Variants in ST6GAL2 observed in about 807,000 individuals in gnomAD.
The protein encoded by ST6GAL2 is beta-galactoside alpha-2,6-sialyltransferase 2.
Under a neutral mutation model 37.5 loss-of-function variants are expected in ST6GAL2, and 24 were observed. The ratio of observed to expected loss-of-function variants is 0.64; its 90% CI spans 0.46 to 0.90. The LOEUF (loss-of-function observed/expected upper bound fraction) is 0.90, where lower values mean the gene tolerates loss of function less well. Among genes scored for constraint, ST6GAL2 ranks in the 40% least tolerant of loss-of-function variants. The probability of loss-of-function intolerance (pLI) is 0.00; values close to 1 mark genes in which losing one functional copy is unlikely to be tolerated. For synonymous variants in ST6GAL2, 306 were observed against 295.1 expected, an observed-to-expected ratio of 1.04 and a Z score of -0.38; for missense variants, 715 against 712.7, an observed-to-expected ratio of 1.00 and a Z score of -0.04.
intron 1 of ST6GAL2, among the ~76,000 whole-genome samples, chr2:106,850,168 G>C (rs1334822954): frequency 6.6e-6 from 1 of 152,172 alleles, no homozygotes; most frequent in African/African-American, 2.4e-5. Flanking sequence ...ACCCTTGTTT[G>C]TCATGGGGAG....
At chr2:106,849,436 C>T (rs977365768) in intron 1 of ST6GAL2, among the ~76,000 whole-genome samples, 3 of 152,152 alleles carry the variant, frequency 2.0e-5, no homozygotes, top group African/African-American at 7.2e-5. Flanking sequence ...TGCCAAATTC[C>T]AACCTGACTC....
chr2:106,868,868 G>GA (rs1010330249), intron 1 of ST6GAL2, among the ~76,000 whole-genome samples: 29 of 150,230 alleles, frequency 1.9e-4, no homozygotes, highest in African/African-American at 3.9e-4. Context: ...AAAAGAAAAA[G>GA]AAAAAAAAAC....
chr2:106,841,933 T>C (rs75979078), intron 2 of ST6GAL2, among the ~76,000 whole-genome samples: 1 of 152,206 alleles, frequency 6.6e-6, no homozygotes, highest in Non-Finnish European at 1.5e-5. Flanking sequence ...AGCTGGTTGG[T>C]CAAACACTAG....
intron 2 of ST6GAL2, among the ~76,000 whole-genome samples, chr2:106,836,505 A>C (rs1676643378): frequency 6.6e-6 from 1 of 152,094 alleles, no homozygotes; most frequent in Admixed American, 6.6e-5. Context: ...TCTTTCACTC[A>C]CGCATAATTG....
chr2:106,840,267 C>T (rs1979083), intron 2 of ST6GAL2, among the ~76,000 whole-genome samples: 1 of 151,868 alleles, frequency 6.6e-6, no homozygotes, highest in Non-Finnish European at 1.5e-5. Flanking sequence ...ACAAGAATTT[C>T]GCTACACCAT....
intron 2 of ST6GAL2, 195 bp from the exon 3 acceptor site, chr2:106,834,341 G>A: frequency 5.6e-6 from 3 of 539,090 alleles, no homozygotes; most frequent in Non-Finnish European, 9.9e-6. Flanking sequence ...ACATCAATAT[G>A]GATATATATA....
intron 5 of ST6GAL2, among the ~76,000 whole-genome samples, chr2:106,828,967 T>C (rs1407265917): frequency 6.6e-6 from 1 of 152,126 alleles, no homozygotes; most frequent in Non-Finnish European, 1.5e-5. Context: ...TCTTGTTATA[T>C]AAAACCCATC....
At chr2:106,864,527 G>A (rs1157885351) in intron 1 of ST6GAL2, among the ~76,000 whole-genome samples, 4 of 152,080 alleles carry the variant, frequency 2.6e-5, no homozygotes, top group Admixed American at 2.0e-4. Flanking sequence ...TTTCCCATTC[G>A]AGAAGGCAAA....
At chr2:106,849,127 T>A (rs1456164632) in intron 1 of ST6GAL2, among the ~76,000 whole-genome samples, 1 of 152,198 alleles carries the variant, frequency 6.6e-6, no homozygotes. Flanking sequence ...GTGGCCAGCC[T>A]CAAGCTTTGC....
chr2:106,873,748 G>A (rs1573317683), intron 1 of ST6GAL2, among the ~76,000 whole-genome samples: 1 of 152,206 alleles, frequency 6.6e-6, no homozygotes, highest in Admixed American at 6.5e-5. Flanking sequence ...GAGGTTGAAT[G>A]GTTTAGCAGT....
At chr2:106,848,246 T>C (rs755477973) in intron 1 of ST6GAL2, among the ~76,000 whole-genome samples, 44 of 151,846 alleles carry the variant, frequency 2.9e-4, no homozygotes, top group Non-Finnish European at 1.8e-4. Context: ...ACAAAGTGAG[T>C]TCCCTCATTA....
chr2:106,842,534 C>A (rs1676931011), intron 2 of ST6GAL2, among the ~76,000 whole-genome samples: 1 of 152,222 alleles, frequency 6.6e-6, no homozygotes, highest in South Asian at 2.1e-4. Context: ...TCTTCATGCA[C>A]CCTGCTCTTT....
chr2:106,878,111 A>T (rs1678584039), intron 1 of ST6GAL2, among the ~76,000 whole-genome samples: 2 of 152,220 alleles, frequency 1.3e-5, no homozygotes, highest in Admixed American at 1.3e-4. Flanking sequence ...GCCACCCACC[A>T]CGACTCAAAA....
intron 1 of ST6GAL2, among the ~76,000 whole-genome samples, chr2:106,863,036 G>A (rs1035434990): frequency 4.0e-5 from 6 of 151,568 alleles, no homozygotes; most frequent in African/African-American, 1.5e-4. Flanking sequence ...TATTCCTGGG[G>A]ATATTTTTCT....
intron 1 of ST6GAL2, among the ~76,000 whole-genome samples, chr2:106,884,934 T>TATATATATATATATACACACAC (rs1425070594): frequency 8.3e-6 from 1 of 120,470 alleles, no homozygotes; most frequent in African/African-American, 3.6e-5. Flanking sequence ...TATATATATA[T>TATATATATATATATACACACAC]ACATACACAC....
At chr2:106,824,190 A>C (rs1676115163) in intron 5 of ST6GAL2, among the ~76,000 whole-genome samples, 1 of 152,260 alleles carries the variant, frequency 6.6e-6, no homozygotes, top group Non-Finnish European at 1.5e-5. Context: ...TTTTAAGAAA[A>C]GGATTTACAG....
chr2:106,812,941 C>CA, intron 5 of ST6GAL2: 1 of 852,836 alleles, frequency 1.2e-6, no homozygotes, highest in Non-Finnish European at 1.5e-6. Flanking sequence ...AAAAAATTAA[C>CA]AACTTTATCA....
At chr2:106,820,209 T>C (rs762393978) in intron 5 of ST6GAL2, among the ~76,000 whole-genome samples, 5 of 152,072 alleles carry the variant, frequency 3.3e-5, no homozygotes, top group Admixed American at 1.3e-4. Flanking sequence ...CCCAATGATC[T>C]ATTGCCTACA....
chr2:106,838,345 T>TCC (rs2104497970), intron 2 of ST6GAL2, among the ~76,000 whole-genome samples: 1 of 151,838 alleles, frequency 6.6e-6, no homozygotes, highest in South Asian at 2.1e-4. Flanking sequence ...CACCACATCA[T>TCC]CCCCCTCTCC....
Sources: allele counts gnomAD v4.1 joint callset (sites outside exome capture counted in the v4.1 genomes callset), GRCh38; gene constraint gnomAD v4.1.1; transcripts MANE v1.5; gene names NCBI Gene and HGNC (gene_info 2026-07-23, HGNC 2026-07-21).